DCDC2C: variants seen among roughly 807,000 people sequenced by gnomAD.
The protein encoded by DCDC2C is doublecortin domain-containing protein 2C.
Under a neutral mutation model 45.0 loss-of-function variants are expected in DCDC2C, and 44 were observed. That is an observed-to-expected ratio of 0.98 (90% CI 0.77 to 1.26). The LOEUF (loss-of-function observed/expected upper bound fraction) is 1.26. Among genes scored for constraint, DCDC2C ranks in the 50% most tolerant of loss-of-function variants. The pLI is 0.00. For missense variants in DCDC2C, 447 were observed against 468.9 expected (o/e 0.95, Z 0.43); for synonymous variants, 187 against 178.8 (o/e 1.05, Z -0.37).
chr2:3,807,743 C>A (rs904867888), intron 10 of DCDC2C, among the ~76,000 whole-genome samples: 1 of 152,012 alleles, frequency 6.6e-6, no homozygotes, highest in Non-Finnish European at 1.5e-5. Context: ...TATTCCCATG[C>A]CACCCCCATG....
At chr2:3,802,964 T>C (rs1319682704) in intron 10 of DCDC2C, among the ~76,000 whole-genome samples, 1 of 152,204 alleles carries the variant, frequency 6.6e-6, no homozygotes, top group Non-Finnish European at 1.5e-5. Context: ...GTTCCTGGCC[T>C]TTCCAGCATA....
chr2:3,737,694 C>T (rs961356028), intron 3 of DCDC2C, among the ~76,000 whole-genome samples: 2 of 152,064 alleles, frequency 1.3e-5, no homozygotes, highest in Non-Finnish European at 2.9e-5. Context: ...GAGCAGGACT[C>T]ACTTTACTGA....
At chr2:3,736,709 C>T (rs533939581) in intron 3 of DCDC2C, among the ~76,000 whole-genome samples, 1 of 152,272 alleles carries the variant, frequency 6.6e-6, no homozygotes, top group South Asian at 2.1e-4. Flanking sequence ...GTGCATTGTA[C>T]ATTGTATATT....
chr2:3,813,638 A>ATTTTTT lies in DCDC2C; in HGVS notation c.1065+28548_1065+28553dup, dbSNP rs376430001. On this transcript the variant is annotated intron_variant, in intron 10 of 10. Coordinates refer to ENST00000399143, the MANE Select transcript of DCDC2C (RefSeq NM_001287444.2). ...CAGAATAGTTAGCTCTTCTTGTTGA[A>ATTTTTT]TTTTTTTTTTTTTTTACCATTATGT... 5.2e-5 allele frequency among the ~76,000 whole-genome samples: 7 copies of ATTTTTT among 135,502 alleles called. 1 individual carries two copies. Among genetic ancestry groups the ATTTTTT allele is most frequent in the South Asian group, 2.4e-4 (1 of 4,218 alleles). 88.9% of individuals were successfully genotyped at this position (135,502 alleles called of 152,430 possible). A position where few individuals can be genotyped will look rare whatever the true frequency, so the allele number is the denominator to read the frequency against.
intron 10 of DCDC2C, among the ~76,000 whole-genome samples, chr2:3,797,892 A>G (rs1423588100): frequency 6.2e-4 from 83 of 134,868 alleles, no homozygotes; most frequent in East Asian, 1.6e-3. Flanking sequence ...AGGTCCGCTC[A>G]GTCCAGAGCT....
chr2:3,778,782 G>A (rs1256429215), intron 8 of DCDC2C, 34 bp from the exon 9 acceptor site: 23 of 1,540,700 alleles, frequency 1.5e-5, no homozygotes, highest in Non-Finnish European at 1.8e-5. Context: ...TTCCACATAA[G>A]TAGTTGATAA....
At chr2:3,771,624 C>T (rs568689699) in intron 8 of DCDC2C, among the ~76,000 whole-genome samples, 2 of 152,342 alleles carry the variant, frequency 1.3e-5, no homozygotes, top group South Asian at 4.1e-4. Context: ...TGCCTGTGTG[C>T]CGTTGTCCAA....
intron 3 of DCDC2C, among the ~76,000 whole-genome samples, chr2:3,741,189 C>A (rs1485858053): frequency 6.6e-6 from 1 of 152,002 alleles, no homozygotes; most frequent in African/African-American, 2.4e-5. Flanking sequence ...TTGAAGTTGC[C>A]TTAAAACTCA....
At chr2:3,791,497 C>T (rs1386344000) in intron 10 of DCDC2C, among the ~76,000 whole-genome samples, 1 of 152,174 alleles carries the variant, frequency 6.6e-6, no homozygotes, top group Non-Finnish European at 1.5e-5. Context: ...GAAATGGTTC[C>T]AGTCTAGCCT....
intron 10 of DCDC2C, among the ~76,000 whole-genome samples, chr2:3,797,734 A>G (rs1460089956): frequency 6.6e-6 from 1 of 152,014 alleles, no homozygotes; most frequent in East Asian, 1.9e-4. Context: ...GGTCTGAGAG[A>G]TAATTTGTTA....
At chr2:3,735,303 G>A (rs1572571404) in intron 3 of DCDC2C, among the ~76,000 whole-genome samples, 1 of 151,056 alleles carries the variant, frequency 6.6e-6, no homozygotes, top group South Asian at 2.1e-4. Flanking sequence ...TAGGGTACCC[G>A]TGCACAATGT....
Position 3,847,617 on chromosome 2 carries a change from CCTT to C in DCDC2C, c.*437_*439del, listed in dbSNP as rs1672364836. ...AAGTTCAAAGTATAAAAATGTTTTA[CCTT>C]CTGAATAACTAGTTCAAAGTGAAAA... On this transcript the variant is annotated 3_prime_UTR_variant, in exon 11 of 11. Coordinates refer to ENST00000399143, the MANE Select transcript of DCDC2C (RefSeq NM_001287444.2). Among the ~76,000 whole-genome samples the C allele has an allele frequency of 6.6e-6, 1 of 152,096 alleles. No homozygotes were observed. Among genetic ancestry groups the C allele is most frequent in the Non-Finnish European group, 1.5e-5 (1 of 68,026 alleles).
At chr2:3,763,494 C>A (rs1306315175) in intron 6 of DCDC2C, among the ~76,000 whole-genome samples, 1 of 152,188 alleles carries the variant, frequency 6.6e-6, no homozygotes, top group East Asian at 1.9e-4. Context: ...TGGCTCATAC[C>A]CAGGCTTTCG....
intron 3 of DCDC2C, among the ~76,000 whole-genome samples, chr2:3,730,087 CGAG>C (rs1553372353): frequency 6.6e-6 from 1 of 152,200 alleles, no homozygotes; most frequent in East Asian, 1.9e-4. Flanking sequence ...GAGAGACAGC[CGAG>C]GAGCACAACC....
chr2:3,796,904 C>T (rs1290174625), intron 10 of DCDC2C, among the ~76,000 whole-genome samples: 1 of 152,124 alleles, frequency 6.6e-6, no homozygotes, highest in Non-Finnish European at 1.5e-5. Context: ...ACGGAGGATT[C>T]CCTCTTTTTC....
At chr2:3,791,520 A>G (rs951914524) in intron 10 of DCDC2C, among the ~76,000 whole-genome samples, 1 of 152,372 alleles carries the variant, frequency 6.6e-6, no homozygotes, top group South Asian at 2.1e-4. Flanking sequence ...AGAAGTAGCA[A>G]GTGAACAAAG....
chr2:3,733,737 C>A (rs1668941903), intron 3 of DCDC2C, among the ~76,000 whole-genome samples: 1 of 152,186 alleles, frequency 6.6e-6, no homozygotes, highest in Non-Finnish European at 1.5e-5. Flanking sequence ...CCTAAGCCCC[C>A]TCGTGATTGA....
At chr2:3,820,023 CAG>C (rs1183799245) in intron 10 of DCDC2C, among the ~76,000 whole-genome samples, 1 of 152,088 alleles carries the variant, frequency 6.6e-6, no homozygotes, top group African/African-American at 2.4e-5. Context: ...TTAAAGGACT[CAG>C]AGCTTGGGGT....
intron 6 of DCDC2C, among the ~76,000 whole-genome samples, chr2:3,756,861 T>C (rs796743999): frequency 3.8e-4 from 58 of 152,368 alleles, no homozygotes; most frequent in African/African-American, 1.3e-3. Flanking sequence ...TTGACTCTTA[T>C]TATTTTTTGT....
Sources: allele counts gnomAD v4.1 joint callset (sites outside exome capture counted in the v4.1 genomes callset), GRCh38; gene constraint gnomAD v4.1.1; transcripts MANE v1.5; gene names NCBI Gene and HGNC (gene_info 2026-07-23, HGNC 2026-07-21).